The following ZNF469 variants were observed in gnomAD, a reference collection of about 807,000 sequenced individuals.
ZNF469 encodes zinc finger protein 469.
Under a neutral mutation model 1.0 loss-of-function variants are expected in ZNF469, and 1 was observed. The observed-to-expected ratio is 1.00, with a 90% CI of 0.35 to 4.73. The LOEUF (loss-of-function observed/expected upper bound fraction) is 4.73. Ranked by LOEUF, ZNF469 falls within the 30% of genes most tolerant of loss-of-function variation. The pLI, the probability that ZNF469 is intolerant of heterozygous loss-of-function variation, is 0.16. For synonymous variants in ZNF469, 2,703 were observed against 2,363.4 expected (o/e 1.14, Z -4.17); for missense variants, 6,100 against 5,356.3 (o/e 1.14, Z -4.33).
intron 1 of ZNF469, among the ~76,000 whole-genome samples, chr16:88,383,718 G>T (rs1324014270): frequency 6.6e-6 from 1 of 151,534 alleles, no homozygotes; most frequent in Non-Finnish European, 1.5e-5. Flanking sequence ...CGGGCCGCCC[G>T]CCCGGGCGTG....
the ZNF469 span, among the ~76,000 whole-genome samples, chr16:88,166,022 T>C: frequency 7.2e-5 from 11 of 152,326 alleles, no homozygotes; most frequent in South Asian, 4.1e-4. This position sits in a 1 kb window ranked among gnomAD's most constrained non-coding sequence, Gnocchi z 4.5. Context: ...GCACTATTGT[T>C]ACGCACCCAG....
At chr16:88,114,696 G>T in the ZNF469 span, among the ~76,000 whole-genome samples, 12 of 152,208 alleles carry the variant, frequency 7.9e-5, no homozygotes, top group African/African-American at 2.9e-4. Flanking sequence ...CCTGGTGAAG[G>T]CGGGCCTGGC....
the ZNF469 span, among the ~76,000 whole-genome samples, chr16:88,258,133 A>G: frequency 6.6e-6 from 1 of 152,252 alleles, no homozygotes; most frequent in African/African-American, 2.4e-5. Context: ...TTCAAAGAAG[A>G]AATAATAGAC....
chr16:88,340,444 C>G, the ZNF469 span, among the ~76,000 whole-genome samples: 1 of 152,178 alleles, frequency 6.6e-6, no homozygotes, highest in African/African-American at 2.4e-5. Flanking sequence ...GCATCACAGA[C>G]TAGGTATAAA....
chr16:88,438,844 G>A lies in ZNF469; in HGVS notation c.11374G>A (p.Gly3792Arg). 2 of 1,550,386 alleles carry A rather than the reference G, an allele frequency of 1.3e-6. No homozygotes were observed. Among genetic ancestry groups the A allele is most frequent in the Non-Finnish European group, 1.7e-6 (2 of 1,146,970 alleles). Residue 3792 changes from glycine (G) to arginine (R), a missense_variant, in exon 3 of 3, where the codon GGG (glycine) becomes AGG (arginine). By Grantham distance (125) the Gly-to-Arg change is moderately radical. Transcript: ENST00000565624. ...AGCCCAAGCCAAGAGCTGCACCAAG[G>A]GGCCAAGGGAAGCTGGTGAGCAGGG... ...ARAQAKSCTK[G>R]PREAGEQGPH... is the part of the protein sequence containing the mutation.
the ZNF469 span, among the ~76,000 whole-genome samples, chr16:88,111,144 T>C: frequency 6.6e-6 from 1 of 152,206 alleles, no homozygotes; most frequent in Admixed American, 6.5e-5. Flanking sequence ...AACCATTTCC[T>C]GCAGCGATGG....
chr16:88,241,869 G>A, the ZNF469 span, among the ~76,000 whole-genome samples: 7 of 152,340 alleles, frequency 4.6e-5, no homozygotes, highest in African/African-American at 1.7e-4. This position sits in a 1 kb window ranked among gnomAD's most constrained non-coding sequence, Gnocchi z 4.8. Context: ...TGGAGACTCA[G>A]CCTGGAGAGG....
At chr16:88,380,680 G>A (rs1300320041), upstream of ZNF469, among the ~76,000 whole-genome samples, 1 of 123,624 alleles carries the variant, frequency 8.1e-6, no homozygotes, top group African/African-American at 3.2e-5. Context: ...CACAAGACAT[G>A]CATTCACACA....
chr16:88,417,590 C>G (rs965856204), intron 1 of ZNF469, among the ~76,000 whole-genome samples: 2 of 152,210 alleles, frequency 1.3e-5, no homozygotes, highest in Admixed American at 1.3e-4. Context: ...GTTTCTCGCT[C>G]CCCGCACATG....
the ZNF469 span, among the ~76,000 whole-genome samples, chr16:88,262,079 G>A: frequency 1.3e-5 from 2 of 152,320 alleles, no homozygotes; most frequent in African/African-American, 4.8e-5. The surrounding 1 kb of genome is among the most constrained non-coding windows in gnomAD (Gnocchi z 4.3). Flanking sequence ...ACAACCAGGT[G>A]AGCTGCAGGC....
At chr16:88,235,939 G>T in the ZNF469 span, among the ~76,000 whole-genome samples, 1 of 152,194 alleles carries the variant, frequency 6.6e-6, no homozygotes, top group Non-Finnish European at 1.5e-5. Context: ...TGACTTCAAG[G>T]TGAGGAGGGG....
the ZNF469 span, among the ~76,000 whole-genome samples, chr16:88,368,155 C>G: frequency 6.6e-6 from 1 of 152,284 alleles, no homozygotes; most frequent in Non-Finnish European, 1.5e-5. Context: ...CTGGGCCTCA[C>G]TGCTGCCCAG....
At chr16:88,194,877 G>C in the ZNF469 span, 3 of 152,322 alleles carry the variant, frequency 2.0e-5, no homozygotes, top group Non-Finnish European at 4.4e-5. Flanking sequence ...TGAGTTACCC[G>C]GGCGGGGAGG....
chr16:88,309,698 AGTGCCCTCTGAG>A, the ZNF469 span, among the ~76,000 whole-genome samples: 1 of 147,498 alleles, frequency 6.8e-6, no homozygotes, highest in Non-Finnish European at 1.5e-5. Context: ...TGACGGGGGG[AGTGCCCTCTGAG>A]GTGCCCTCTC....
At chr16:88,150,203 G>C in the ZNF469 span, among the ~76,000 whole-genome samples, 1 of 152,120 alleles carries the variant, frequency 6.6e-6, no homozygotes, top group South Asian at 2.1e-4. Flanking sequence ...CCAGCTACTT[G>C]GGAAGCTGAG....
intron 1 of ZNF469, among the ~76,000 whole-genome samples, chr16:88,396,972 A>AGGAGGAGACCCTCCTGAAGGGAGGCTG (rs1904698688): frequency 1.2e-5 from 1 of 83,074 alleles, no homozygotes; most frequent in African/African-American, 4.4e-5. Context: ...AAGGGAGGCC[A>AGGAGGAGACCCTCCTGAAGGGAGGCTG]GGAGGAGACC....
the ZNF469 span, among the ~76,000 whole-genome samples, chr16:88,330,777 G>A: frequency 8.5e-5 from 13 of 152,194 alleles, no homozygotes; most frequent in Non-Finnish European, 8.8e-5. Context: ...AGCCACTGCC[G>A]CATGCTACCT....
At chr16:88,281,573 G>A in the ZNF469 span, among the ~76,000 whole-genome samples, 1 of 145,890 alleles carries the variant, frequency 6.9e-6, no homozygotes, top group South Asian at 2.2e-4. Flanking sequence ...CCACACCAAT[G>A]CTTGGTCAGT....
the ZNF469 span, among the ~76,000 whole-genome samples, chr16:88,202,147 C>T: frequency 1.5e-4 from 23 of 152,288 alleles, no homozygotes; most frequent in African/African-American, 4.1e-4. Context: ...GGCATGGACA[C>T]GGCACCTGCG....
Sources: gnomAD v4.1 joint callset for allele counts (sites outside exome capture counted in the v4.1 genomes callset) on GRCh38, gnomAD v4.1.1 for gene constraint, Gnocchi (gnomAD v3.1) non-coding constraint, MANE v1.5 for transcripts, NCBI Gene and HGNC (gene_info 2026-07-23, HGNC 2026-07-21) for gene names.